MYO16: variants seen among roughly 807,000 people sequenced by gnomAD.
MYO16 encodes the protein unconventional myosin-XVI.
Under a neutral mutation model 205.3 loss-of-function variants are expected in MYO16, and 94 were observed. The ratio of observed to expected loss-of-function variants is 0.46; its 90% CI spans 0.39 to 0.54. MYO16 has a LOEUF of 0.54. MYO16 is among the 20% of genes least tolerant of loss of function. The pLI is 0.00. For synonymous variants in MYO16, 988 were observed against 954.0 expected (o/e 1.04, Z -0.66); for missense variants, 2,315 against 2,387.5 (o/e 0.97, Z 0.63).
chr13:109,029,767 G>A (rs1886490410), intron 23 of MYO16, among the ~76,000 whole-genome samples: 1 of 152,196 alleles, frequency 6.6e-6, no homozygotes. Flanking sequence ...TAGGCTCCTG[G>A]TGTTCCACTG....
chr13:109,034,146 T>C (rs1886635182), intron 23 of MYO16, among the ~76,000 whole-genome samples: 1 of 151,916 alleles, frequency 6.6e-6, no homozygotes, highest in Non-Finnish European at 1.5e-5. Context: ...AAGTTAGAGT[T>C]GATAGATACA....
intron 12 of MYO16, among the ~76,000 whole-genome samples, chr13:108,877,979 TA>T (rs756503165): frequency 2.6e-5 from 4 of 152,212 alleles, no homozygotes; most frequent in African/African-American, 4.8e-5. Flanking sequence ...AATTCACTTG[TA>T]AGTAATTTTT....
chr13:108,699,383 C>A (rs1926504), intron 2 of MYO16, among the ~76,000 whole-genome samples: 96,652 of 151,588 alleles, frequency 0.64, 30,850 homozygotes, highest in East Asian at 0.77. Flanking sequence ...TATGTCAGTT[C>A]TTTTTGTTTA....
At chr13:108,734,607 A>T (rs1884629910) in intron 4 of MYO16, among the ~76,000 whole-genome samples, 1 of 152,216 alleles carries the variant, frequency 6.6e-6, no homozygotes, top group Non-Finnish European at 1.5e-5. Context: ...ATCTCCAGGG[A>T]AACCAGGGAA....
chr13:108,887,109 C>T (rs956583730), intron 13 of MYO16, among the ~76,000 whole-genome samples: 1 of 152,092 alleles, frequency 6.6e-6, no homozygotes, highest in African/African-American at 2.4e-5. Context: ...TAAGATTTAG[C>T]AATCAAAACG....
chr13:108,954,134 C>T (rs1217919675), intron 16 of MYO16, among the ~76,000 whole-genome samples: 2 of 152,176 alleles, frequency 1.3e-5, no homozygotes, highest in African/African-American at 4.8e-5. Context: ...GCTGTAAATT[C>T]TAGGCTAAAA....
chr13:108,659,941 T>C (rs924614014), intron 1 of MYO16, among the ~76,000 whole-genome samples: 35 of 152,034 alleles, frequency 2.3e-4, no homozygotes, highest in Admixed American at 7.2e-4. Flanking sequence ...GGATAGTAAT[T>C]GATATTGTAG....
At position 108,607,076 on chromosome 13, in the gene MYO16, G is replaced by T. The variant is rs528866992; in HGVS notation, c.-39+10837G>T. ...ATTGGAACTGGTGTACTTACCCAATGCCTGTATCCCCATGGTATCTAGGAA... is the reference window on the plus strand; with the variant it reads ...ATTGGAACTGGTGTACTTACCCAATTCCTGTATCCCCATGGTATCTAGGAA... On this transcript the variant is annotated intron_variant, in intron 1 of 24. Coordinates refer to the MYO16 transcript ENST00000251041. Among the ~76,000 whole-genome samples the T allele has an allele frequency of 1.4e-4, 22 of 152,306 alleles. No homozygotes were observed. The South Asian group carries it at 4.6e-3, about 32-fold the overall frequency.
At position 109,140,496 on chromosome 13, in the gene MYO16, C is replaced by G. The variant is rs1491002177; in HGVS notation, c.4284C>G (p.Asp1428Glu). 5.2e-6 allele frequency: 8 copies of G among 1,546,260 alleles called. No individual in the cohort carries two copies. The highest frequency in any genetic ancestry group is 6.9e-6 in the Non-Finnish European group (8 of 1,155,058). The change falls in exon 32 of 35, where the codon GAC becomes GAG. Residue 1428 changes from aspartate (D) to glutamate (E), a missense_variant. Transcript: ENST00000457511. This position sits in a 1 kb window ranked among gnomAD's most constrained non-coding sequence, Gnocchi z 8.0. ...LPPAAPPGDE[D>E]DSEPVYIEML... ...CGGCGGCGCCTCCGGGTGACGAGGA[C>G]GACAGCGAGCCTGTGTACATCGAGA...
the MYO16 span, among the ~76,000 whole-genome samples, chr13:108,506,754 G>A: frequency 6.6e-6 from 1 of 152,112 alleles, no homozygotes; most frequent in Non-Finnish European, 1.5e-5. Context: ...ATCTTGCCTT[G>A]TTCCTGATCT....
chr13:108,892,010 A>T (rs1025948517), intron 14 of MYO16, among the ~76,000 whole-genome samples: 2 of 152,162 alleles, frequency 1.3e-5, no homozygotes, highest in Non-Finnish European at 2.9e-5. Flanking sequence ...TTTAATTAAT[A>T]AATTAGTATT....
rs566654215 is a variant in MYO16 at position 109,188,321 on chromosome 13, T to C, written c.5415+8688T>C. Among the ~76,000 whole-genome samples the C allele has an allele frequency of 2.6e-5, 4 of 152,306 alleles. No individual in the cohort carries two copies. The South Asian group carries it at 6.2e-4, about 24-fold the overall frequency. ...ATGTTGTGCAACTATCTCTACAATG[T>C]AATTTTAGAACTTTTTGCCTCCTCC... is the stretch of plus-strand genomic sequence containing the variant. On this transcript the variant is annotated intron_variant, in intron 34 of 34. Coordinates refer to ENST00000457511, the MANE Select transcript of MYO16 (RefSeq NM_001198950.3).
At chr13:108,769,684 A>G (rs1885898260) in intron 4 of MYO16, among the ~76,000 whole-genome samples, 1 of 152,194 alleles carries the variant, frequency 6.6e-6, no homozygotes, top group African/African-American at 2.4e-5. Flanking sequence ...CAGATTAGAA[A>G]GACAGTTGGT....
chr13:108,805,957 T>TAAATAAATAAATA (rs1053138109), intron 6 of MYO16, among the ~76,000 whole-genome samples: 5 of 151,224 alleles, frequency 3.3e-5, no homozygotes, highest in Non-Finnish European at 5.9e-5. Flanking sequence ...AATAAATAAA[T>TAAATAAATAAATA]AAAATTAGCT....
intron 34 of MYO16, among the ~76,000 whole-genome samples, chr13:109,188,569 A>T (rs1218550304): frequency 6.6e-6 from 1 of 152,214 alleles, no homozygotes; most frequent in Admixed American, 6.5e-5. Flanking sequence ...GAATATATAA[A>T]GGGGAGTTTG....
intron 34 of MYO16, among the ~76,000 whole-genome samples, chr13:109,182,499 G>A (rs1415025062): frequency 1.3e-5 from 2 of 152,226 alleles, no homozygotes; most frequent in South Asian, 2.1e-4. Context: ...TCACCCACTC[G>A]CCAGACCTTT....
At chr13:108,888,273 T>G in intron 13 of MYO16, 99 bp from the exon 14 acceptor site, 1 of 759,394 alleles carries the variant, frequency 1.3e-6, no homozygotes, top group Non-Finnish European at 2.1e-6. Context: ...CCAGTTAATT[T>G]TTTTACTTGT....
chr13:108,595,221 G>T (rs1878512917), upstream of MYO16, among the ~76,000 whole-genome samples: 1 of 152,098 alleles, frequency 6.6e-6, no homozygotes, highest in Non-Finnish European at 1.5e-5. Context: ...AGTCACAGAA[G>T]CCTGGAATAT....
chr13:108,768,293 C>T (rs1885848607), intron 4 of MYO16, among the ~76,000 whole-genome samples: 1 of 152,148 alleles, frequency 6.6e-6, no homozygotes, highest in South Asian at 2.1e-4. Context: ...CATCAGCCTA[C>T]TGCCTTGATG....
Sources: gnomAD v4.1 joint callset for allele counts (sites outside exome capture counted in the v4.1 genomes callset) on GRCh38, gnomAD v4.1.1 for gene constraint, Gnocchi (gnomAD v3.1) non-coding constraint, MANE v1.5 for transcripts, NCBI Gene and HGNC (gene_info 2026-07-23, HGNC 2026-07-21) for gene names.